Variants in LEPR observed in about 807,000 individuals in gnomAD.
LEPR encodes the protein OB receptor.
In LEPR, 56 loss-of-function variants were observed where a neutral mutation model predicts 114.7. That is an observed-to-expected ratio of 0.49 (90% CI 0.39 to 0.61). The LOEUF (loss-of-function observed/expected upper bound fraction) is 0.61. Among genes scored for constraint, LEPR ranks in the 20% least tolerant of loss-of-function variants. The probability of loss-of-function intolerance (pLI) is 0.00; values close to 1 mark genes in which losing one functional copy is unlikely to be tolerated. For missense variants in LEPR, 1,202 were observed against 1,352.9 expected (o/e 0.89, Z 1.75); for synonymous variants, 443 against 461.4 (o/e 0.96, Z 0.51).
intron 4 of LEPR, among the ~76,000 whole-genome samples, chr1:65,571,809 A>ATT (rs1654189780): frequency 6.9e-6 from 1 of 144,890 alleles, no homozygotes; most frequent in Non-Finnish European, 1.5e-5. Context: ...AAAAAAAAAA[A>ATT]AAAAAAAAAA....
At chr1:65,613,310 G>T (rs1362216625) in intron 14 of LEPR, among the ~76,000 whole-genome samples, 1 of 151,910 alleles carries the variant, frequency 6.6e-6, no homozygotes, top group Non-Finnish European at 1.5e-5. Context: ...TTTGAGTACT[G>T]GTAAGTTCGA....
At chr1:65,523,308 T>A (rs1649729020) in intron 2 of LEPR, among the ~76,000 whole-genome samples, 1 of 152,168 alleles carries the variant, frequency 6.6e-6, no homozygotes, top group South Asian at 2.1e-4. Context: ...TATTTTTATT[T>A]TTTATTATTT....
At chr1:65,426,681 T>C (rs1646378424) in intron 2 of LEPR, among the ~76,000 whole-genome samples, 1 of 152,102 alleles carries the variant, frequency 6.6e-6, no homozygotes, top group African/African-American at 2.4e-5. Flanking sequence ...TCCCAGGTGA[T>C]TGGCTTGAAC....
intron 2 of LEPR, among the ~76,000 whole-genome samples, chr1:65,461,595 G>A (rs1646946617): frequency 1.3e-5 from 2 of 152,274 alleles, no homozygotes; most frequent in East Asian, 1.9e-4. Flanking sequence ...AAATAAACAA[G>A]TAGTGGAGAA....
intron 2 of LEPR, among the ~76,000 whole-genome samples, chr1:65,437,452 G>A (rs949166693): frequency 2.0e-5 from 3 of 151,992 alleles, no homozygotes; most frequent in African/African-American, 7.2e-5. Context: ...AAGGAATGAA[G>A]TACTGAAACA....
At position 65,581,455 on chromosome 1, in the gene LEPR, T is replaced by A. The variant is rs550999600; in HGVS notation, c.494+9006T>A. Reference sequence around the variant, plus strand: ...ATTTTTAATGGTTGAAAGGCTTTTTTTTTTTTTCCATTTTGTTCTGTCTCT... The same window carrying A: ...ATTTTTAATGGTTGAAAGGCTTTTTATTTTTTTCCATTTTGTTCTGTCTCT... On this transcript the variant is annotated intron_variant, in intron 5 of 19. Coordinates refer to ENST00000349533, the MANE Select transcript of LEPR (RefSeq NM_002303.6). Among the ~76,000 whole-genome samples, 936 of 152,162 alleles carry A rather than the reference T, an allele frequency of 6.2e-3. 11 individuals carry two copies. Among genetic ancestry groups the A allele is most frequent in the South Asian group, 0.019 (93 of 4,828 alleles).
Position 65,490,133 on chromosome 1 carries a change from G to A in LEPR, c.-21+64755G>A, listed in dbSNP as rs149496075. Among the ~76,000 whole-genome samples the A allele has an allele frequency of 2.0e-3, 304 of 152,060 alleles. 1 individual carries two copies. Among genetic ancestry groups the A allele is most frequent in the African/African-American group, 6.9e-3 (287 of 41,468 alleles). ...ACCAGATTATAGTGATTACTGTGAG[G>A]GCTAAAAGACTTAATGACTACAAAA... On this transcript the variant is annotated intron_variant, in intron 2 of 19. Coordinates refer to ENST00000349533, the MANE Select transcript of LEPR (RefSeq NM_002303.6).
At chr1:65,510,617 A>T (rs1648980265) in intron 2 of LEPR, among the ~76,000 whole-genome samples, 1 of 152,158 alleles carries the variant, frequency 6.6e-6, no homozygotes, top group Admixed American at 6.5e-5. Context: ...TTTTATGTGC[A>T]TTGCCACAGA....
intron 2 of LEPR, among the ~76,000 whole-genome samples, chr1:65,456,761 C>T (rs1052252360): frequency 5.9e-5 from 9 of 152,164 alleles, no homozygotes; most frequent in African/African-American, 2.2e-4. Flanking sequence ...TCCACTCCAA[C>T]AGTCTCTGTC....
intron 2 of LEPR, among the ~76,000 whole-genome samples, chr1:65,534,287 G>A (rs1013983306): frequency 6.6e-6 from 1 of 152,014 alleles, no homozygotes; most frequent in African/African-American, 2.4e-5. Context: ...AACTACTGTG[G>A]AAGTTACCAT....
intron 2 of LEPR, among the ~76,000 whole-genome samples, chr1:65,463,255 C>T (rs1465356281): frequency 6.6e-6 from 1 of 152,246 alleles, no homozygotes; most frequent in East Asian, 1.9e-4. Flanking sequence ...AATAGGGAAT[C>T]CTTTCCCTAT....
intron 2 of LEPR, among the ~76,000 whole-genome samples, chr1:65,473,042 T>G (rs1647108180): frequency 6.6e-6 from 1 of 152,220 alleles, no homozygotes; most frequent in Non-Finnish European, 1.5e-5. Context: ...TTCTGACAGG[T>G]GCCATTCTTC....
intron 2 of LEPR, among the ~76,000 whole-genome samples, chr1:65,465,801 T>C (rs1647004297): frequency 6.6e-6 from 1 of 152,156 alleles, no homozygotes; most frequent in South Asian, 2.1e-4. Flanking sequence ...GCCTCTTTTG[T>C]TCTTTGTTGG....
rs184434686 is a variant in LEPR, at chr1:65,528,792, A to T, written c.-20-36754A>T. Among the ~76,000 whole-genome samples the T allele has an allele frequency of 9.2e-5, 14 of 152,014 alleles. No individual in the cohort carries two copies. The East Asian group carries it at 1.7e-3, about 19-fold the overall frequency. On this transcript the variant is annotated intron_variant, in intron 2 of 19. Coordinates refer to ENST00000349533, the MANE Select transcript of LEPR (RefSeq NM_002303.6). Reference sequence around the variant, plus strand: ...TCACAAATCTAATTTACCTTTTTTTAAAAAAAGAAAGTTATTTACTTATTT... The same window carrying T: ...TCACAAATCTAATTTACCTTTTTTTTAAAAAAGAAAGTTATTTACTTATTT...
intron 2 of LEPR, among the ~76,000 whole-genome samples, chr1:65,494,804 A>AC (rs1390183454): frequency 6.6e-6 from 1 of 152,112 alleles, no homozygotes; most frequent in Non-Finnish European, 1.5e-5. Context: ...TGGAAATATC[A>AC]CAACCCTTCC....
intron 2 of LEPR, among the ~76,000 whole-genome samples, chr1:65,518,563 G>A (rs1217072344): frequency 6.6e-6 from 1 of 152,114 alleles, no homozygotes; most frequent in Non-Finnish European, 1.5e-5. Flanking sequence ...TCAAGTCCTG[G>A]CCACTTTTGG....
At chr1:65,579,965 G>C (rs1258800732) in intron 5 of LEPR, among the ~76,000 whole-genome samples, 1 of 152,010 alleles carries the variant, frequency 6.6e-6, no homozygotes, top group East Asian at 1.9e-4. Context: ...AGGTAAATTA[G>C]GTAGATTTTC....
intron 2 of LEPR, among the ~76,000 whole-genome samples, chr1:65,549,169 G>A (rs1373458958): frequency 8.6e-5 from 13 of 151,426 alleles, no homozygotes; most frequent in Middle Eastern, 3.4e-3. Flanking sequence ...AGTTTCTGCC[G>A]TGAGATCCGC....
At chr1:65,490,575 C>T (rs1338017976) in intron 2 of LEPR, among the ~76,000 whole-genome samples, 1 of 152,038 alleles carries the variant, frequency 6.6e-6, no homozygotes. Context: ...CTAGTGGTTT[C>T]AATCTGGGCT....
Sources: gnomAD v4.1 joint callset for allele counts (sites outside exome capture counted in the v4.1 genomes callset) on GRCh38, gnomAD v4.1.1 for gene constraint, MANE v1.5 for transcripts, NCBI Gene and HGNC (gene_info 2026-07-23, HGNC 2026-07-21) for gene names.